The following RPS6KC1 variants were observed in gnomAD, a reference collection of about 807,000 sequenced individuals.
The protein encoded by RPS6KC1 is inactive ribosomal protein S6 kinase delta-1.
In RPS6KC1, 54 loss-of-function variants were observed where a neutral mutation model predicts 103.8. The observed-to-expected ratio is 0.52, with a 90% CI of 0.42 to 0.65. RPS6KC1 has a LOEUF of 0.65. Ranked by LOEUF, RPS6KC1 falls within the 30% of genes least tolerant of loss-of-function variation. The probability of loss-of-function intolerance (pLI) is 0.00; values close to 1 mark genes in which losing one functional copy is unlikely to be tolerated. For missense variants in RPS6KC1, 1,151 were observed against 1,253.8 expected, an observed-to-expected ratio of 0.92 and a Z score of 1.24; for synonymous variants, 439 against 438.7, an observed-to-expected ratio of 1.00 and a Z score of -0.01.
chr1:213,532,664 C>A, the RPS6KC1 span, among the ~76,000 whole-genome samples: 1 of 152,218 alleles, frequency 6.6e-6, no homozygotes, highest in Non-Finnish European at 1.5e-5. Context: ...ATGGCTGGAG[C>A]CCTTGCCATG....
the RPS6KC1 span, among the ~76,000 whole-genome samples, chr1:213,612,088 C>A: frequency 6.6e-6 from 1 of 152,190 alleles, no homozygotes; most frequent in East Asian, 1.9e-4. Flanking sequence ...TCAGATGTGG[C>A]CCCTCAGCCA....
At chr1:213,060,911 T>TGTATGGTCTCATGGCTG in intron 1 of RPS6KC1, among the ~76,000 whole-genome samples, 2 of 152,268 alleles carry the variant, frequency 1.3e-5, no homozygotes, top group African/African-American at 4.8e-5. Flanking sequence ...TATTATAGAC[T>TGTATGGTCTCATGGCTG]AGATGGCTTC....
chr1:213,669,850 A>T, the RPS6KC1 span, among the ~76,000 whole-genome samples: 1 of 152,160 alleles, frequency 6.6e-6, no homozygotes, highest in Non-Finnish European at 1.5e-5. Flanking sequence ...TCCCAAGTGC[A>T]GTACTGTGTT....
chr1:213,177,657 A>T (rs924436922), intron 8 of RPS6KC1, among the ~76,000 whole-genome samples: 7 of 152,152 alleles, frequency 4.6e-5, no homozygotes, highest in African/African-American at 1.7e-4. Flanking sequence ...TATTTTCATA[A>T]CCGTGTTTTC....
intron 3 of RPS6KC1, among the ~76,000 whole-genome samples, chr1:213,099,349 G>C (rs1415342593): frequency 6.6e-6 from 1 of 152,134 alleles, no homozygotes; most frequent in Non-Finnish European, 1.5e-5. Flanking sequence ...CAAGTTGAAA[G>C]ATGTGGACAG....
chr1:213,532,861 T>TGTGGGGAACACTGTTGAG, the RPS6KC1 span, among the ~76,000 whole-genome samples: 4 of 152,310 alleles, frequency 2.6e-5, no homozygotes, highest in South Asian at 6.2e-4. Context: ...CTACAGGTAC[T>TGTGGGGAACACTGTTGAG]GTGGGGAACA....
chr1:213,584,115 C>A, the RPS6KC1 span, among the ~76,000 whole-genome samples: 3 of 152,080 alleles, frequency 2.0e-5, no homozygotes, highest in Admixed American at 6.5e-5. Flanking sequence ...TTTTTTCAAG[C>A]AGTTTCCCCT....
chr1:213,264,711 A>T (rs1161229985), intron 14 of RPS6KC1, among the ~76,000 whole-genome samples: 2 of 152,184 alleles, frequency 1.3e-5, no homozygotes, highest in African/African-American at 2.4e-5. Flanking sequence ...TCTTGGCATG[A>T]TTAGCAATTT....
the RPS6KC1 span, among the ~76,000 whole-genome samples, chr1:213,768,540 C>G: frequency 6.6e-6 from 1 of 152,156 alleles, no homozygotes; most frequent in African/African-American, 2.4e-5. Flanking sequence ...TCCTTATATC[C>G]AAATGATAAT....
At chr1:213,382,635 C>T in the RPS6KC1 span, among the ~76,000 whole-genome samples, 89 of 151,606 alleles carry the variant, frequency 5.9e-4, 1 homozygote, top group Non-Finnish European at 1.2e-3. Flanking sequence ...CTCTCCAGCT[C>T]AGACTGGGAG....
the RPS6KC1 span, among the ~76,000 whole-genome samples, chr1:213,423,526 TG>T: frequency 6.6e-6 from 1 of 152,164 alleles, no homozygotes; most frequent in African/African-American, 2.4e-5. Context: ...AGGGTGGCTT[TG>T]GGGGGTGAGG....
chr1:213,427,806 C>A, the RPS6KC1 span, among the ~76,000 whole-genome samples: 7 of 152,292 alleles, frequency 4.6e-5, no homozygotes, highest in South Asian at 1.5e-3. Context: ...ACCTTGTGAT[C>A]GGCTCTGGCT....
chr1:213,667,743 T>C, the RPS6KC1 span, among the ~76,000 whole-genome samples: 1 of 152,206 alleles, frequency 6.6e-6, no homozygotes, highest in South Asian at 2.1e-4. Flanking sequence ...CAAATTGGAG[T>C]CAATCCTCTC....
intron 2 of RPS6KC1, among the ~76,000 whole-genome samples, chr1:213,071,278 T>G (rs2078849918): frequency 6.6e-6 from 1 of 152,116 alleles, no homozygotes; most frequent in African/African-American, 2.4e-5. Flanking sequence ...TACAGGCATC[T>G]GCCACCACAC....
chr1:213,241,464 G>C lies in RPS6KC1; in HGVS notation c.1988G>C (p.Gly663Ala). 6.2e-7 allele frequency: 1 copy of C among 1,613,936 alleles called. No individual in the cohort carries two copies. The highest frequency in any genetic ancestry group is 8.5e-7 in the Non-Finnish European group (1 of 1,179,938). ...EFKAQDTISR[G>A]SDDSVPVISF... ...AAAGCTCAGGACACCATTAGCAGGGGCTCAGATGACTCAGTGCCAGTTATT... is the reference window on the plus strand; with the variant it reads ...AAAGCTCAGGACACCATTAGCAGGGCCTCAGATGACTCAGTGCCAGTTATT... The change falls in exon 11 of 15, where the codon GGC becomes GCC. Residue 663 changes from glycine (G) to alanine (A), a missense_variant. This residue lies in a region of RPS6KC1 where 959 missense variants were observed against 1,006.3 expected (regional missense o/e 0.95). Transcript: ENST00000366960.
At chr1:213,327,777 T>G in the RPS6KC1 span, among the ~76,000 whole-genome samples, 1 of 152,210 alleles carries the variant, frequency 6.6e-6, no homozygotes, top group Non-Finnish European at 1.5e-5. Context: ...ATTGGCAAAG[T>G]GGATTCACCC....
chr1:213,389,863 T>G, the RPS6KC1 span, among the ~76,000 whole-genome samples: 1 of 152,210 alleles, frequency 6.6e-6, no homozygotes, highest in Non-Finnish European at 1.5e-5. Flanking sequence ...GGGTTTTTTT[T>G]CATCCCAGGA....
At chr1:213,761,729 T>C in the RPS6KC1 span, among the ~76,000 whole-genome samples, 3 of 152,142 alleles carry the variant, frequency 2.0e-5, no homozygotes, top group East Asian at 5.8e-4. Context: ...AACGAGTTTT[T>C]CAAGTGTGTA....
At chr1:213,259,454 T>C (rs2094727835) in intron 12 of RPS6KC1, among the ~76,000 whole-genome samples, 2 of 152,118 alleles carry the variant, frequency 1.3e-5, no homozygotes, top group Non-Finnish European at 2.9e-5. Flanking sequence ...TCCCAGCTAC[T>C]TGGGAGGCTG....
Sources: gnomAD v4.1 joint callset for allele counts (sites outside exome capture counted in the v4.1 genomes callset) on GRCh38, gnomAD v4.1.1 for gene constraint, gnomAD v4.1.1 regional missense constraint, MANE v1.5 for transcripts, NCBI Gene and HGNC (gene_info 2026-07-23, HGNC 2026-07-21) for gene names.